PCDHA8: variants seen among roughly 807,000 people sequenced by gnomAD.
PCDHA8 encodes protocadherin alpha 8.
In PCDHA8, 53 loss-of-function variants were observed where a neutral mutation model predicts 61.8. The observed-to-expected ratio is 0.86, with a 90% confidence interval of 0.69 to 1.08. The LOEUF is 1.08. PCDHA8 is among the 50% of genes least tolerant of loss of function. The pLI, the probability that PCDHA8 is intolerant of heterozygous loss-of-function variation, is 0.00. For synonymous variants in PCDHA8, 618 were observed against 556.6 expected, an observed-to-expected ratio of 1.11 and a Z score of -1.55; for missense variants, 1,293 against 1,245.0, an observed-to-expected ratio of 1.04 and a Z score of -0.58.
intron 1 of PCDHA8, among the ~76,000 whole-genome samples, chr5:140,941,202 C>T (rs246071): frequency 0.094 from 11,551 of 122,542 alleles, 708 homozygotes; most frequent in Admixed American, 0.12. Context: ...TTTCTTTCTT[C>T]CTTTCTTTCT....
In PCDHA8 at chr5:140,847,222, G is replaced by A. The variant is rs1156761082; in HGVS notation, c.2394+3507G>A. 2.0e-5 allele frequency among the ~76,000 whole-genome samples: 3 copies of A among 149,704 alleles called. 1 individual carries two copies. ...GGCCACTCTTTAGAATTAATTGGGA[G>A]CTATTTAACTACCTTGAGCAAAATA... On this transcript the variant is annotated intron_variant, in intron 1 of 3. Transcript: ENST00000531613.
chr5:140,985,885 G>A (rs1218097274), intron 3 of PCDHA8, among the ~76,000 whole-genome samples: 4 of 151,548 alleles, frequency 2.6e-5, no homozygotes, highest in Non-Finnish European at 5.9e-5. Flanking sequence ...GACTACAGGC[G>A]CCCGCCACCA....
chr5:140,870,879 G>A (rs1554164779), intron 1 of PCDHA8: 1 of 1,613,952 alleles, frequency 6.2e-7, no homozygotes, highest in East Asian at 2.2e-5. Flanking sequence ...TGGTGGCGAA[G>A]GTGCGCGCAG....
chr5:140,858,262 G>A lies in PCDHA8; in HGVS notation c.2394+14547G>A. On this transcript the variant is annotated intron_variant, in intron 1 of 3. Coordinates refer to ENST00000531613, the MANE Select transcript of PCDHA8 (RefSeq NM_018911.3). Reference sequence around the variant, plus strand: ...GTGGGCCGGTGAAGCCCACGCTGGTGTGCTCTAGCGCGGTGGGGAGCTGGT... The same window carrying A: ...GTGGGCCGGTGAAGCCCACGCTGGTATGCTCTAGCGCGGTGGGGAGCTGGT... 2 of 1,597,236 alleles carry A rather than the reference G, an allele frequency of 1.3e-6. 1 individual carries two copies.
chr5:140,850,318 C>T lies in PCDHA8; in HGVS notation c.2394+6603C>T, dbSNP rs1306863704. On this transcript the variant is annotated intron_variant, in intron 1 of 3. Transcript: ENST00000531613. ...GACTCGGGCTACAACGCGTGGCTTT[C>T]ATACGAGCTGCAGCCAGAAACGGCC... The T allele has an allele frequency of 4.4e-6, 7 of 1,597,384 alleles. 1 individual carries two copies. In the African/African-American group the frequency reaches 5.4e-5, roughly 12 times the overall value.
At chr5:140,875,445 C>A (rs2055496471) in intron 1 of PCDHA8, 1 of 1,582,278 alleles carries the variant, frequency 6.3e-7, no homozygotes, top group Middle Eastern at 1.7e-4. Context: ...AACTGATTGT[C>A]CCAACTCAGA....
chr5:140,875,438 T>A, intron 1 of PCDHA8: 1 of 1,568,134 alleles, frequency 6.4e-7, no homozygotes, highest in Non-Finnish European at 8.6e-7. Flanking sequence ...CCCTTAAAAC[T>A]GATTGTCCCA....
chr5:140,927,769 G>A (rs1471080821), intron 1 of PCDHA8: 4 of 1,614,084 alleles, frequency 2.5e-6, no homozygotes, highest in African/African-American at 2.7e-5. Context: ...AAGTGGGGAG[G>A]TGCAAGTAGC....
At chr5:141,003,668 A>G (rs1353003376) in intron 3 of PCDHA8, among the ~76,000 whole-genome samples, 1 of 152,196 alleles carries the variant, frequency 6.6e-6, no homozygotes, top group Non-Finnish European at 1.5e-5. Context: ...ATTAAAATAT[A>G]TGTTGTTCTG....
intron 1 of PCDHA8, among the ~76,000 whole-genome samples, chr5:140,953,761 A>C (rs1016551787): frequency 6.6e-6 from 1 of 152,202 alleles, no homozygotes; most frequent in Non-Finnish European, 1.5e-5. Flanking sequence ...TCCAAGAATT[A>C]AATTTAATAT....
chr5:140,884,529 G>C lies in PCDHA8; in HGVS notation c.2394+40814G>C. On this transcript the variant is annotated intron_variant, in intron 1 of 3. Transcript: ENST00000531613. Reference sequence around the variant, plus strand: ...GGGAGTTGGTCGTACTCGCAGCAGAGGCGGCCGAGGGTGTGCTCTGGGGAG... The same window carrying C: ...GGGAGTTGGTCGTACTCGCAGCAGACGCGGCCGAGGGTGTGCTCTGGGGAG... 2.5e-6 allele frequency: 4 copies of C among 1,614,068 alleles called. No individual in the cohort carries two copies. Among genetic ancestry groups the C allele is most frequent in the Non-Finnish European group, 3.4e-6 (4 of 1,179,986 alleles).
chr5:140,919,649 T>C (rs1252944920), intron 1 of PCDHA8, among the ~76,000 whole-genome samples: 1 of 152,202 alleles, frequency 6.6e-6, no homozygotes, highest in African/African-American at 2.4e-5. Flanking sequence ...TTCTCTAGAG[T>C]TTACCATATA....
intron 1 of PCDHA8, chr5:140,882,682 A>G (rs782727780): frequency 9.3e-6 from 15 of 1,614,080 alleles, no homozygotes; most frequent in Admixed American, 3.3e-5. Context: ...AAAGCAAGAA[A>G]CGAATAATCA....
chr5:140,954,355 G>A (rs10054520), intron 1 of PCDHA8, among the ~76,000 whole-genome samples: 9 of 152,232 alleles, frequency 5.9e-5, no homozygotes, highest in African/African-American at 1.7e-4. Context: ...TTGAGGAATC[G>A]CCACACAGTC....
chr5:140,856,471 A>T, intron 1 of PCDHA8: 3 of 1,597,970 alleles, frequency 1.9e-6, no homozygotes, highest in Non-Finnish European at 2.6e-6. Context: ...AGCTCTCAAT[A>T]CCTGAATCCA....
At chr5:140,982,608 T>C (rs782789536) in intron 3 of PCDHA8, 45 bp downstream of exon 3, 1 of 1,601,306 alleles carries the variant, frequency 6.2e-7, no homozygotes, top group Non-Finnish European at 8.5e-7. Flanking sequence ...TTCTGGAAAG[T>C]GATCAGATGA....
chr5:140,991,317 T>C (rs2097444971), intron 3 of PCDHA8, among the ~76,000 whole-genome samples: 1 of 152,208 alleles, frequency 6.6e-6, no homozygotes, highest in Admixed American at 6.5e-5. Flanking sequence ...TCCCGCATGA[T>C]ACATGAAGGG....
chr5:140,970,270 T>C (rs2096394574), intron 1 of PCDHA8, among the ~76,000 whole-genome samples: 1 of 152,234 alleles, frequency 6.6e-6, no homozygotes, highest in Non-Finnish European at 1.5e-5. Context: ...TTTGATGAGA[T>C]GTAAAGTAGC....
rs1563652468 is a variant in PCDHA8, at chr5:141,000,419, A to ATT, written c.2543-9207_2543-9206insTT. ...TCTATATATATATATATATATATAT[A>ATT]TATTTTTTTTTTTTTTTTTTTTTTT... On this transcript the variant is annotated intron_variant, in intron 3 of 3. Transcript: ENST00000531613. 2.1e-3 allele frequency among the ~76,000 whole-genome samples: 126 copies of ATT among 60,978 alleles called. 1 individual carries two copies. The highest frequency in any genetic ancestry group is 3.3e-3 in the African/African-American group (43 of 13,160). The allele number at this position is 60,978 out of a possible 152,430, so 40.0% of individuals were successfully genotyped here. A position where few individuals can be genotyped will look rare whatever the true frequency, so the allele number is the denominator to read the frequency against.
Sources: gnomAD v4.1 joint callset for allele counts (sites outside exome capture counted in the v4.1 genomes callset) on GRCh38, gnomAD v4.1.1 for gene constraint, MANE v1.5 for transcripts, NCBI Gene and HGNC (gene_info 2026-07-23, HGNC 2026-07-21) for gene names.